CACNA2D3: variants seen among roughly 807,000 people sequenced by gnomAD.
CACNA2D3 encodes voltage-dependent calcium channel subunit alpha-2/delta-3.
CACNA2D3 carries 60 observed loss-of-function variants against 160.6 expected under a neutral mutation model. The ratio of observed to expected loss-of-function variants is 0.37; its 90% CI spans 0.30 to 0.46. CACNA2D3 has a LOEUF of 0.46. CACNA2D3 is among the 20% of genes least tolerant of loss of function. The pLI, the probability that CACNA2D3 is intolerant of heterozygous loss-of-function variation, is 1.00. For missense variants in CACNA2D3, 1,205 were observed against 1,365.0 expected (o/e 0.88, Z 1.85); for synonymous variants, 558 against 492.9 (o/e 1.13, Z -1.75).
At chr3:54,869,256 C>G (rs1699471615) in intron 17 of CACNA2D3, among the ~76,000 whole-genome samples, 1 of 152,214 alleles carries the variant, frequency 6.6e-6, no homozygotes, top group African/African-American at 2.4e-5. Context: ...GGGGTGTCCT[C>G]TACCATACAA....
At chr3:54,748,347 T>G (rs887320767) in intron 11 of CACNA2D3, among the ~76,000 whole-genome samples, 4 of 152,212 alleles carry the variant, frequency 2.6e-5, no homozygotes, top group African/African-American at 9.6e-5. Context: ...TAGGGATTGC[T>G]TCTATGTGAG....
intron 2 of CACNA2D3, among the ~76,000 whole-genome samples, chr3:54,124,810 G>C (rs1023637948): frequency 1.3e-5 from 2 of 152,210 alleles, no homozygotes; most frequent in African/African-American, 4.8e-5. Context: ...TCTGTTGTTT[G>C]GGAAGGTGTT....
At chr3:54,238,426 G>C (rs1422346298) in intron 2 of CACNA2D3, among the ~76,000 whole-genome samples, 1 of 152,198 alleles carries the variant, frequency 6.6e-6, no homozygotes, top group African/African-American at 2.4e-5. Flanking sequence ...TCCTATAATT[G>C]CTTTTTATGG....
At position 54,501,655 on chromosome 3, in the gene CACNA2D3, A is replaced by G. The variant is rs1052004825; in HGVS notation, c.382-1837A>G. Among the ~76,000 whole-genome samples, 22 of 152,134 alleles carry G rather than the reference A, an allele frequency of 1.4e-4. No homozygotes were observed. The East Asian group carries it at 4.3e-3, about 29-fold the overall frequency. On this transcript the variant is annotated intron_variant, in intron 4 of 37. Transcript: ENST00000474759. ...GGGTGGTCTTGAACTCCTGGGCTCAAGCAATCCTCCTGCCTTGGTTTCCCA... is the reference window on the plus strand; with the variant it reads ...GGGTGGTCTTGAACTCCTGGGCTCAGGCAATCCTCCTGCCTTGGTTTCCCA...
intron 4 of CACNA2D3, among the ~76,000 whole-genome samples, chr3:54,464,250 G>A (rs1038135511): frequency 6.6e-6 from 1 of 152,218 alleles, no homozygotes; most frequent in Non-Finnish European, 1.5e-5. Flanking sequence ...GAGGCAGTCT[G>A]CCCCTTCTCA....
chr3:54,985,954 T>G (rs373875916), intron 30 of CACNA2D3, among the ~76,000 whole-genome samples: 3 of 152,262 alleles, frequency 2.0e-5, no homozygotes, highest in East Asian at 1.9e-4. Flanking sequence ...GGACATTAGA[T>G]AGGATGAATG....
At chr3:54,336,259 G>A (rs1575402237) in intron 3 of CACNA2D3, among the ~76,000 whole-genome samples, 2 of 152,182 alleles carry the variant, frequency 1.3e-5, no homozygotes, top group Admixed American at 6.5e-5. Flanking sequence ...AGAGGAAAGT[G>A]AAGGTGAAAC....
intron 35 of CACNA2D3, among the ~76,000 whole-genome samples, chr3:55,064,119 G>T (rs1001915072): frequency 3.3e-5 from 5 of 152,164 alleles, no homozygotes; most frequent in African/African-American, 9.7e-5. Context: ...CTCAGCAGCC[G>T]CAGGGCTTCT....
intron 2 of CACNA2D3, among the ~76,000 whole-genome samples, chr3:54,127,960 T>C (rs1470468444): frequency 6.6e-6 from 1 of 152,154 alleles, no homozygotes; most frequent in Non-Finnish European, 1.5e-5. Context: ...AAATTTCTTT[T>C]CTGCCAGATA....
At chr3:55,023,790 T>A (rs1444402701) in intron 35 of CACNA2D3, among the ~76,000 whole-genome samples, 3 of 151,936 alleles carry the variant, frequency 2.0e-5, no homozygotes, top group Non-Finnish European at 4.4e-5. Flanking sequence ...ATAATTAGAA[T>A]ACATATTTTT....
intron 2 of CACNA2D3, among the ~76,000 whole-genome samples, chr3:54,291,189 T>C (rs1473898414): frequency 6.6e-6 from 1 of 152,238 alleles, no homozygotes; most frequent in Non-Finnish European, 1.5e-5. Context: ...TATATTTTGC[T>C]TATGTCAGTT....
chr3:54,918,708 C>G (rs551816704), intron 27 of CACNA2D3: 7 of 1,614,014 alleles, frequency 4.3e-6, no homozygotes, highest in Admixed American at 1.7e-5. Context: ...CTCGCTCCCC[C>G]GCGTTGTGGT....
At chr3:55,012,055 G>C (rs1001381678) in intron 34 of CACNA2D3, among the ~76,000 whole-genome samples, 1 of 152,240 alleles carries the variant, frequency 6.6e-6, no homozygotes, top group African/African-American at 2.4e-5. Flanking sequence ...ATCAGACTGT[G>C]AGCTCTGAGA....
At chr3:54,417,635 C>T (rs1699775079) in intron 4 of CACNA2D3, among the ~76,000 whole-genome samples, 1 of 152,130 alleles carries the variant, frequency 6.6e-6, no homozygotes, top group Non-Finnish European at 1.5e-5. Context: ...TATCTCCCTA[C>T]CCCCTCAAAT....
At chr3:54,474,664 GA>G (rs1411956239) in intron 4 of CACNA2D3, among the ~76,000 whole-genome samples, 2 of 151,750 alleles carry the variant, frequency 1.3e-5, no homozygotes, top group African/African-American at 4.8e-5. Context: ...AAGAGAGAGA[GA>G]AATAAGAGAA....
intron 2 of CACNA2D3, among the ~76,000 whole-genome samples, chr3:54,189,729 C>T (rs1576988349): frequency 6.6e-6 from 1 of 152,266 alleles, no homozygotes; most frequent in South Asian, 2.1e-4. Flanking sequence ...GGATTGGGCA[C>T]CATTCACCAG....
intron 18 of CACNA2D3, among the ~76,000 whole-genome samples, chr3:54,877,478 G>A (rs1261552257): frequency 6.6e-6 from 1 of 152,104 alleles, no homozygotes; most frequent in East Asian, 1.9e-4. Flanking sequence ...TAATGGGATG[G>A]GTGCTGGCAT....
At chr3:54,591,841 G>A (rs1386531884) in intron 9 of CACNA2D3, among the ~76,000 whole-genome samples, 2 of 114,942 alleles carry the variant, frequency 1.7e-5, no homozygotes, top group Non-Finnish European at 3.8e-5. Flanking sequence ...TGTGATCATC[G>A]ATGCTAGTCT....
At chr3:54,250,608 A>AT (rs1382812759) in intron 2 of CACNA2D3, among the ~76,000 whole-genome samples, 3 of 151,740 alleles carry the variant, frequency 2.0e-5, no homozygotes, top group Non-Finnish European at 4.4e-5. Flanking sequence ...TAATTTTTAA[A>AT]TTTTTTTTGT....
Sources: allele counts gnomAD v4.1 joint callset (sites outside exome capture counted in the v4.1 genomes callset), GRCh38; gene constraint gnomAD v4.1.1; transcripts MANE v1.5; gene names NCBI Gene and HGNC (gene_info 2026-07-23, HGNC 2026-07-21).